Variants in NALF1 observed in about 807,000 individuals in gnomAD.
The protein encoded by NALF1 is family with sequence similarity 155 member A.
In NALF1, 3 loss-of-function variants were observed where a neutral mutation model predicts 48.4. That is an observed-to-expected ratio of 0.06 (90% CI 0.03 to 0.16). The LOEUF (loss-of-function observed/expected upper bound fraction) is 0.16, where lower values mean the gene tolerates loss of function less well. NALF1 is among the 10% of genes least tolerant of loss of function. The pLI, the probability that NALF1 is intolerant of heterozygous loss-of-function variation, is 1.00. For synonymous variants in NALF1, 262 were observed against 245.7 expected, an observed-to-expected ratio of 1.07 and a Z score of -0.62; for missense variants, 526 against 571.5, an observed-to-expected ratio of 0.92 and a Z score of 0.81.
At chr13:107,772,368 T>A (rs1877605433) in intron 1 of NALF1, among the ~76,000 whole-genome samples, 1 of 152,140 alleles carries the variant, frequency 6.6e-6, no homozygotes, top group Non-Finnish European at 1.5e-5. Context: ...TTTTTTAAAA[T>A]ATTGAGGTAA....
intron 1 of NALF1, among the ~76,000 whole-genome samples, chr13:107,311,553 T>C (rs1882046428): frequency 6.6e-6 from 1 of 150,484 alleles, no homozygotes; most frequent in Admixed American, 6.6e-5. Flanking sequence ...TTAAATTATA[T>C]TTAATAAATG....
At chr13:107,476,476 T>C (rs1885178512) in intron 1 of NALF1, among the ~76,000 whole-genome samples, 1 of 152,148 alleles carries the variant, frequency 6.6e-6, no homozygotes, top group African/African-American at 2.4e-5. Context: ...ATCCTGCCTT[T>C]AAAAACAGTT....
intron 1 of NALF1, among the ~76,000 whole-genome samples, chr13:107,615,181 CAACT>C (rs1566416087): frequency 6.6e-6 from 1 of 152,188 alleles, no homozygotes; most frequent in Non-Finnish European, 1.5e-5. Context: ...TCTTTCAGTT[CAACT>C]AACACTTTAT....
At chr13:107,475,375 T>C (rs1018868962) in intron 1 of NALF1, among the ~76,000 whole-genome samples, 4 of 152,192 alleles carry the variant, frequency 2.6e-5, no homozygotes, top group African/African-American at 9.7e-5. Context: ...TTTGCGTTAG[T>C]TTTTAGTGTC....
intron 1 of NALF1, among the ~76,000 whole-genome samples, chr13:107,511,749 C>T (rs1292917700): frequency 1.3e-5 from 2 of 152,136 alleles, no homozygotes; most frequent in Non-Finnish European, 2.9e-5. Flanking sequence ...TGCATATCTA[C>T]TCAGAATATT....
intron 1 of NALF1, among the ~76,000 whole-genome samples, chr13:107,814,066 A>T (rs1024466043): frequency 2.0e-5 from 3 of 152,188 alleles, no homozygotes; most frequent in Non-Finnish European, 2.9e-5. Flanking sequence ...GAAAAGAAAC[A>T]TAAAAGGGAA....
At chr13:107,486,782 T>C (rs1450562420) in intron 1 of NALF1, among the ~76,000 whole-genome samples, 1 of 152,210 alleles carries the variant, frequency 6.6e-6, no homozygotes, top group Admixed American at 6.5e-5. Flanking sequence ...TCTTTTCATA[T>C]AATATTTCAA....
At position 107,479,612 on chromosome 13, in the gene NALF1, G is replaced by A. The variant is rs376792652; in HGVS notation, c.916-268857C>T. Among the ~76,000 whole-genome samples, 201 of 151,054 alleles carry A rather than the reference G, an allele frequency of 1.3e-3. 2 individuals are homozygous for A. The highest frequency in any genetic ancestry group is 4.6e-3 in the African/African-American group (190 of 41,422). On this transcript the variant is annotated intron_variant, in intron 1 of 2. Transcript: ENST00000375915. ...TTTCTAAACAATTAAAGTACTAGAT[G>A]AAATTTTAAGGGAGATTTGCTCTTG...
intron 1 of NALF1, among the ~76,000 whole-genome samples, chr13:107,670,655 C>T (rs1253219498): frequency 3.3e-5 from 5 of 152,108 alleles, no homozygotes; most frequent in Admixed American, 3.3e-4. Flanking sequence ...TTCTAGATTA[C>T]AGGGCCCAGA....
chr13:107,733,050 C>A (rs2138537330), intron 1 of NALF1, among the ~76,000 whole-genome samples: 2 of 152,070 alleles, frequency 1.3e-5, no homozygotes, highest in East Asian at 3.9e-4. Flanking sequence ...TAAATCGGCA[C>A]CCTGGAAAAG....
intron 1 of NALF1, among the ~76,000 whole-genome samples, chr13:107,643,359 G>A (rs912607482): frequency 2.6e-5 from 4 of 152,130 alleles, no homozygotes; most frequent in African/African-American, 4.8e-5. Context: ...ATGTGTCAGC[G>A]AGGAGGGCTA....
chr13:107,590,972 C>T (rs1023422080), intron 1 of NALF1, among the ~76,000 whole-genome samples: 2 of 151,872 alleles, frequency 1.3e-5, no homozygotes, highest in African/African-American at 2.4e-5. Context: ...TGTTTGTAAG[C>T]ATTCTATTAG....
intron 1 of NALF1, among the ~76,000 whole-genome samples, chr13:107,215,402 AC>A (rs1879851634): frequency 6.6e-6 from 1 of 151,956 alleles, no homozygotes; most frequent in Non-Finnish European, 1.5e-5. Context: ...CCTTGGTCAC[AC>A]AGGCCTGTTT....
chr13:107,647,538 A>T (rs1279549595), intron 1 of NALF1, among the ~76,000 whole-genome samples: 1 of 151,988 alleles, frequency 6.6e-6, no homozygotes, highest in Non-Finnish European at 1.5e-5. Context: ...AATTGCAAAC[A>T]TAACAATCCC....
chr13:107,602,890 T>A (rs1036783522), intron 1 of NALF1, among the ~76,000 whole-genome samples: 2 of 152,170 alleles, frequency 1.3e-5, no homozygotes, highest in Non-Finnish European at 1.5e-5. Flanking sequence ...ATATTTAAAA[T>A]TTTATCTTCT....
At chr13:107,256,380 T>C (rs1381287280) in intron 1 of NALF1, among the ~76,000 whole-genome samples, 6 of 152,092 alleles carry the variant, frequency 3.9e-5, no homozygotes, top group African/African-American at 9.7e-5. Context: ...CCACAGAAAC[T>C]GGCAAAAAAA....
intron 1 of NALF1, among the ~76,000 whole-genome samples, chr13:107,751,385 T>G (rs1876933890): frequency 6.6e-6 from 1 of 152,220 alleles, no homozygotes; most frequent in African/African-American, 2.4e-5. Context: ...GAGAATATCA[T>G]TCAGGTAAAA....
chr13:107,583,336 A>C (rs767242941), intron 1 of NALF1, among the ~76,000 whole-genome samples: 36 of 152,298 alleles, frequency 2.4e-4, no homozygotes, highest in Non-Finnish European at 3.5e-4. Flanking sequence ...TAATGTTATC[A>C]ACATTTTTAC....
At chr13:107,493,202 G>A (rs1207824053) in intron 1 of NALF1, among the ~76,000 whole-genome samples, 6 of 152,232 alleles carry the variant, frequency 3.9e-5, no homozygotes, top group African/African-American at 9.6e-5. Context: ...CTGAGGCTCC[G>A]TGCTGCTGGA....
Sources: allele counts gnomAD v4.1 joint callset (sites outside exome capture counted in the v4.1 genomes callset), GRCh38; gene constraint gnomAD v4.1.1; transcripts MANE v1.5; gene names NCBI Gene and HGNC (gene_info 2026-07-23, HGNC 2026-07-21).